The following RFTN2 variants were observed in gnomAD, a reference collection of about 807,000 sequenced individuals.
RFTN2 encodes raftlin family member 2, also known as raftlin-2.
RFTN2 carries 34 observed loss-of-function variants against 52.7 expected under a neutral mutation model. The ratio of observed to expected loss-of-function variants is 0.64; its 90% CI spans 0.49 to 0.86. RFTN2 has a LOEUF of 0.86. Ranked by LOEUF, RFTN2 falls within the 40% of genes least tolerant of loss-of-function variation. The pLI, the probability that RFTN2 is intolerant of heterozygous loss-of-function variation, is 0.00. For synonymous variants in RFTN2, 203 were observed against 217.7 expected (o/e 0.93, Z 0.59); for missense variants, 536 against 600.1 (o/e 0.89, Z 1.12).
intron 1 of RFTN2, 61 bp from the exon 2 acceptor site, chr2:197,646,727 C>G: frequency 7.6e-7 from 1 of 1,315,946 alleles, no homozygotes; most frequent in Non-Finnish European, 1.1e-6. Context: ...TACATTATTT[C>G]TACCTATGGG....
At position 197,572,003 on chromosome 2, in the gene RFTN2, A is replaced by G. The variant is rs778361663; in HGVS notation, c.*5T>C. 2.5e-6 allele frequency: 4 copies of G among 1,612,356 alleles called. No homozygotes were observed. The highest frequency in any genetic ancestry group is 2.2e-5 in the East Asian group (1 of 44,860). On this transcript the variant is annotated 3_prime_UTR_variant, in exon 9 of 9. Transcript: ENST00000295049. ...ACAGGGCCTTCCTTTGCTTCACCTC[A>G]TGGCTCACATACAAGTGACCTGAGT...
chr2:197,613,012 C>CA (rs1436430519), intron 7 of RFTN2, among the ~76,000 whole-genome samples: 1 of 152,184 alleles, frequency 6.6e-6, no homozygotes, highest in Non-Finnish European at 1.5e-5. Flanking sequence ...TGATGATAGA[C>CA]ATTCTTTTTT....
chr2:197,624,853 G>A (rs533443454), intron 5 of RFTN2, among the ~76,000 whole-genome samples: 19 of 152,212 alleles, frequency 1.2e-4, no homozygotes, highest in Non-Finnish European at 2.2e-4. Flanking sequence ...AGAGGCCAAC[G>A]TGGGAAGATT....
At chr2:197,662,782 A>C (rs1424234530) in intron 1 of RFTN2, among the ~76,000 whole-genome samples, 4 of 151,922 alleles carry the variant, frequency 2.6e-5, no homozygotes, top group African/African-American at 9.7e-5. Flanking sequence ...GTTCTTTAAA[A>C]ATTTTTTTAT....
intron 7 of RFTN2, among the ~76,000 whole-genome samples, chr2:197,612,977 C>T (rs1418598710): frequency 6.6e-6 from 1 of 152,104 alleles, no homozygotes; most frequent in African/African-American, 2.4e-5. Flanking sequence ...GTTATGTTTT[C>T]GACATGTGGG....
chr2:197,646,358 A>G, intron 2 of RFTN2, 125 bp downstream of exon 2: 1 of 684,906 alleles, frequency 1.5e-6, no homozygotes, highest in Non-Finnish European at 2.4e-6. Flanking sequence ...CACTGCTGGA[A>G]AATGTGCTTT....
At chr2:197,595,947 G>A in intron 8 of RFTN2, 44 bp downstream of exon 8, 1 of 1,238,834 alleles carries the variant, frequency 8.1e-7, no homozygotes, top group East Asian at 2.3e-5. Flanking sequence ...AGGATTAAAT[G>A]CTTCAATATA....
intron 7 of RFTN2, among the ~76,000 whole-genome samples, chr2:197,607,842 C>T (rs1193713565): frequency 6.6e-6 from 1 of 152,134 alleles, no homozygotes; most frequent in Non-Finnish European, 1.5e-5. Flanking sequence ...GTTGTCCCAA[C>T]TCCTCCTCAC....
chr2:197,659,388 A>G (rs571583880), intron 1 of RFTN2, among the ~76,000 whole-genome samples: 42 of 150,510 alleles, frequency 2.8e-4, no homozygotes, highest in Non-Finnish European at 4.7e-4. Flanking sequence ...AGGCCCAGCT[A>G]CTTGGGAGGC....
At chr2:197,576,861 T>C (rs1184410006) in intron 8 of RFTN2, among the ~76,000 whole-genome samples, 1 of 152,132 alleles carries the variant, frequency 6.6e-6, no homozygotes, top group Non-Finnish European at 1.5e-5. Context: ...AGGGAAAAAG[T>C]TGTGAAAGGA....
chr2:197,626,846 C>A (rs1159514177), intron 5 of RFTN2, among the ~76,000 whole-genome samples: 1 of 151,892 alleles, frequency 6.6e-6, no homozygotes, highest in Non-Finnish European at 1.5e-5. Flanking sequence ...TCTCAAACTC[C>A]TGACCTCGTA....
chr2:197,650,121 G>A (rs77773624), intron 1 of RFTN2, among the ~76,000 whole-genome samples: 28,199 of 151,316 alleles, frequency 0.19, 2,753 homozygotes, highest in Middle Eastern at 0.27. Flanking sequence ...ATATTAAAAT[G>A]TATAAAAATT....
chr2:197,634,810 T>C (rs1351721400), intron 3 of RFTN2, among the ~76,000 whole-genome samples: 1 of 152,010 alleles, frequency 6.6e-6, no homozygotes, highest in Non-Finnish European at 1.5e-5. Context: ...TATGTATACA[T>C]GTGACATGCT....
intron 3 of RFTN2, among the ~76,000 whole-genome samples, chr2:197,635,216 T>C (rs2088545313): frequency 1.3e-5 from 2 of 152,194 alleles, no homozygotes; most frequent in African/African-American, 2.4e-5. Flanking sequence ...TGTGTCTTTA[T>C]AGCAGCATGA....
intron 6 of RFTN2, among the ~76,000 whole-genome samples, chr2:197,617,461 C>A (rs1363108579): frequency 1.3e-5 from 2 of 152,026 alleles, no homozygotes; most frequent in African/African-American, 4.8e-5. Flanking sequence ...AGATCTTTAA[C>A]ATGTAAAATA....
At chr2:197,598,367 G>C (rs770021265) in intron 7 of RFTN2, among the ~76,000 whole-genome samples, 12 of 152,052 alleles carry the variant, frequency 7.9e-5, no homozygotes, top group Non-Finnish European at 8.8e-5. Context: ...CAAGGGACAG[G>C]GTACGTGGGA....
chr2:197,671,855 CT>C lies in RFTN2; in HGVS notation c.139+3464del, dbSNP rs541388277. ...CTTTTTACTCATAAAGCTATAAATG[CT>C]GTAAAAATTCTTAAGGCTACTATTA... On this transcript the variant is annotated intron_variant, in intron 1 of 8. Coordinates refer to ENST00000295049, the MANE Select transcript of RFTN2 (RefSeq NM_144629.3). Among the ~76,000 whole-genome samples, 1,471 of 152,260 alleles carry C rather than the reference CT, an allele frequency of 9.7e-3. 22 individuals are homozygous for C. Among genetic ancestry groups the C allele is most frequent in the African/African-American group, 0.034 (1,412 of 41,540 alleles).
rs181544327 is a variant in RFTN2 at position 197,576,637 on chromosome 2, G to A, written c.1234-4357C>T. Reference sequence around the variant, plus strand: ...TGAAATGCAGTGCATAAAATACCCGGGTATTTTCTACTGGTTTTTACAGCA... The same window carrying A: ...TGAAATGCAGTGCATAAAATACCCGAGTATTTTCTACTGGTTTTTACAGCA... On this transcript the variant is annotated intron_variant, in intron 8 of 8. Coordinates refer to ENST00000295049, the MANE Select transcript of RFTN2 (RefSeq NM_144629.3). 7.4e-4 allele frequency among the ~76,000 whole-genome samples: 112 copies of A among 152,124 alleles called. 1 individual carries two copies. Among genetic ancestry groups the A allele is most frequent in the Admixed American group, 7.1e-3 (108 of 15,276 alleles).
chr2:197,659,730 T>C (rs2088950210), intron 1 of RFTN2, among the ~76,000 whole-genome samples: 1 of 151,858 alleles, frequency 6.6e-6, no homozygotes, highest in African/African-American at 2.4e-5. Context: ...GGCAGGAGAA[T>C]TGCTTGAACC....
Sources: allele counts gnomAD v4.1 joint callset (sites outside exome capture counted in the v4.1 genomes callset), GRCh38; gene constraint gnomAD v4.1.1; transcripts MANE v1.5; gene names NCBI Gene and HGNC (gene_info 2026-07-23, HGNC 2026-07-21).